Variants in LRPPRC observed in about 807,000 individuals in gnomAD.
LRPPRC encodes the protein leucine-rich PPR motif-containing protein, mitochondrial.
LRPPRC carries 120 observed loss-of-function variants against 180.3 expected under a neutral mutation model. The observed-to-expected ratio is 0.67, with a 90% CI of 0.57 to 0.77. The LOEUF is 0.77. Among genes scored for constraint, LRPPRC ranks in the 30% least tolerant of loss-of-function variants. LRPPRC has a pLI of 0.00. For missense variants in LRPPRC, 2,012 were observed against 1,657.2 expected (o/e 1.21, Z -3.72); for synonymous variants, 723 against 600.0 (o/e 1.21, Z -3.00).
intron 25 of LRPPRC, 93 bp downstream of exon 25, chr2:43,934,097 G>T (rs1009504656): frequency 1.3e-6 from 1 of 744,642 alleles, no homozygotes; most frequent in South Asian, 1.5e-5. Flanking sequence ...ACATGAATCA[G>T]AACAAGTGTA....
chr2:43,969,798 C>G (rs1673723482), intron 11 of LRPPRC, among the ~76,000 whole-genome samples: 1 of 152,014 alleles, frequency 6.6e-6, no homozygotes, highest in Non-Finnish European at 1.5e-5. Context: ...TCCTCCCACC[C>G]CAGCCTCCCA....
At chr2:43,898,853 A>G (rs1482079514) in intron 34 of LRPPRC, among the ~76,000 whole-genome samples, 1 of 152,170 alleles carries the variant, frequency 6.6e-6, no homozygotes, top group Non-Finnish European at 1.5e-5. Context: ...TATCTAGCGC[A>G]TTTGAGAAAT....
In LRPPRC at chr2:43,928,485, T is replaced by C. The variant is rs567187642; in HGVS notation, c.2737-2524A>G. Among the ~76,000 whole-genome samples the C allele has an allele frequency of 1.4e-4, 22 of 152,210 alleles. 1 individual carries two copies. In the East Asian group the frequency reaches 2.7e-3, roughly 19 times the overall value. On this transcript the variant is annotated intron_variant, in intron 25 of 37. Coordinates refer to ENST00000260665, the MANE Select transcript of LRPPRC (RefSeq NM_133259.4). ...TTTTTCTTGCCACTTCTGCTGGAGA[T>C]GTCAAATGAAAGCAACAACAAAAAC...
intron 1 of LRPPRC, among the ~76,000 whole-genome samples, chr2:43,984,902 G>C (rs1303196597): frequency 1.3e-5 from 2 of 151,990 alleles, no homozygotes; most frequent in Non-Finnish European, 2.9e-5. Context: ...GTTCCTTCCA[G>C]ACTCCAGCTC....
At chr2:43,954,426 C>A (rs1673022577) in intron 14 of LRPPRC, among the ~76,000 whole-genome samples, 1 of 152,092 alleles carries the variant, frequency 6.6e-6, no homozygotes, top group African/African-American at 2.4e-5. Context: ...TCAGCTTGGC[C>A]AAAATTAAAA....
intron 11 of LRPPRC, among the ~76,000 whole-genome samples, chr2:43,971,360 G>T (rs1254338758): frequency 6.6e-6 from 1 of 151,370 alleles, no homozygotes; most frequent in Non-Finnish European, 1.5e-5. Flanking sequence ...GAGCCATGAG[G>T]AAGTAATTAT....
intron 34 of LRPPRC, 65 bp from the exon 35 acceptor site, chr2:43,896,773 T>C (rs1380193279): frequency 2.1e-6 from 2 of 949,344 alleles, no homozygotes; most frequent in Middle Eastern, 2.1e-4. Context: ...AAACTGAATA[T>C]TTCCAATTAA....
chr2:43,898,430 G>C (rs370325507), intron 34 of LRPPRC, among the ~76,000 whole-genome samples: 59 of 152,020 alleles, frequency 3.9e-4, no homozygotes, highest in African/African-American at 1.4e-3. Context: ...TTGACACAGG[G>C]AGTCTACACA....
At chr2:43,911,607 A>T (rs1671263636) in intron 30 of LRPPRC, among the ~76,000 whole-genome samples, 1 of 143,598 alleles carries the variant, frequency 7.0e-6, no homozygotes, top group African/African-American at 2.6e-5. Flanking sequence ...GCTCAACGCA[A>T]CCTCCACCTC....
intron 30 of LRPPRC, 66 bp downstream of exon 30, chr2:43,912,366 T>C (rs1671293179): frequency 7.1e-7 from 1 of 1,404,976 alleles, no homozygotes; most frequent in East Asian, 2.3e-5. Context: ...ACTATTATAA[T>C]TATTGGCTAA....
At chr2:43,954,037 C>G (rs12477013) in intron 14 of LRPPRC, among the ~76,000 whole-genome samples, 15,198 of 152,172 alleles carry the variant, frequency 0.1, 1,282 homozygotes, top group East Asian at 0.43. Context: ...GTAACTTTTC[C>G]AAATACCAAA....
At chr2:43,980,957 T>C (rs1051176765) in intron 2 of LRPPRC, among the ~76,000 whole-genome samples, 2 of 152,188 alleles carry the variant, frequency 1.3e-5, no homozygotes, top group Non-Finnish European at 2.9e-5. Flanking sequence ...TCTTTAAATG[T>C]ACATAACTAT....
chr2:43,899,345 G>T lies in LRPPRC; in HGVS notation c.3710-11C>A. 6.2e-7 allele frequency: 1 copy of T among 1,610,196 alleles called. No individual in the cohort carries two copies. Among genetic ancestry groups the T allele is most frequent in the South Asian group, 1.1e-5 (1 of 90,968 alleles). ...CCGCCATGATGCTTACTGGAAAAAT[G>T]ACAGGTAAGAAAAATCTTTCATTAG... On this transcript the variant is annotated splice_polypyrimidine_tract_variant and intron_variant, in intron 33 of 37. Transcript: ENST00000260665.
intron 1 of LRPPRC, among the ~76,000 whole-genome samples, chr2:43,993,199 T>C (rs1397271881): frequency 6.6e-6 from 1 of 152,116 alleles, no homozygotes; most frequent in Non-Finnish European, 1.5e-5. Context: ...TTCAAAAAGT[T>C]AAATAAACAT....
chr2:43,905,036 G>A (rs1366923896), intron 31 of LRPPRC, among the ~76,000 whole-genome samples: 1 of 152,036 alleles, frequency 6.6e-6, no homozygotes, highest in African/African-American at 2.4e-5. Context: ...TATCAAACCA[G>A]TGGCCCCCAC....
intron 25 of LRPPRC, among the ~76,000 whole-genome samples, chr2:43,928,347 A>C (rs1252951591): frequency 6.6e-6 from 1 of 152,216 alleles, no homozygotes; most frequent in Admixed American, 6.5e-5. Flanking sequence ...GATATCCAAT[A>C]ATTATTACCT....
chr2:43,897,601 AG>A (rs1483565438), intron 34 of LRPPRC, among the ~76,000 whole-genome samples: 3 of 152,160 alleles, frequency 2.0e-5, no homozygotes, highest in African/African-American at 7.2e-5. Context: ...GGATGGGTGA[AG>A]GGTTTATCAT....
In LRPPRC at chr2:43,975,116, T is replaced by C; in HGVS notation, c.839A>G (p.Lys280Arg). ...YLALLNAYAE[K>R]GDIDHVKQTL... ...CTGCTTAACATGGTCAATGTCGCCC[T>C]TCTCAGCATATGCATTCAATAATGC... is the stretch of plus-strand genomic sequence containing the variant. Residue 280 changes from lysine to arginine, a missense_variant, in exon 7 of 38, where the codon AAG becomes AGG. By Grantham distance (26) the Lys-to-Arg change is conservative. Transcript: ENST00000260665. 1 of 1,613,512 alleles carries C rather than the reference T, an allele frequency of 6.2e-7. No homozygotes were observed. The highest frequency in any genetic ancestry group is 8.5e-7 in the Non-Finnish European group (1 of 1,179,848).
rs1334636063 is a variant in LRPPRC at position 43,957,413 on chromosome 2, T to C, written c.1621A>G (p.Arg541Gly). 1.9e-6 allele frequency: 3 copies of C among 1,613,636 alleles called. No individual in the cohort carries two copies. Among genetic ancestry groups the C allele is most frequent in the East Asian group, 4.5e-5 (2 of 44,848 alleles). Residue 541 changes from arginine to glycine, a missense_variant, in exon 14 of 38, where the codon AGA becomes GGA. Physicochemically the swap from Arg to Gly is moderately radical, Grantham distance 125. Coordinates refer to ENST00000260665, the MANE Select transcript of LRPPRC (RefSeq NM_133259.4). Reference sequence around the variant, plus strand: ...CTGAAGCCTAGCAGTAGGCTACTTCTTATAGACTGCAGCGAGATGGGCAAT... The same window carrying C: ...CTGAAGCCTAGCAGTAGGCTACTTCCTATAGACTGCAGCGAGATGGGCAAT... ...NTLPISLQSI[R>G]SSLLLGFRRS...
Sources: gnomAD v4.1 joint callset for allele counts (sites outside exome capture counted in the v4.1 genomes callset) on GRCh38, gnomAD v4.1.1 for gene constraint, MANE v1.5 for transcripts, NCBI Gene and HGNC (gene_info 2026-07-23, HGNC 2026-07-21) for gene names.